ADAMTS12: variants seen among roughly 807,000 people sequenced by gnomAD.
ADAMTS12 encodes the protein A disintegrin and metalloproteinase with thrombospondin motifs 12.
ADAMTS12 carries 118 observed loss-of-function variants against 167.8 expected under a neutral mutation model. That is an observed-to-expected ratio of 0.70 (90% CI 0.61 to 0.82). The LOEUF (loss-of-function observed/expected upper bound fraction) is 0.82. Ranked by LOEUF, ADAMTS12 falls within the 40% of genes least tolerant of loss-of-function variation. ADAMTS12 has a pLI of 0.00. For missense variants in ADAMTS12, 1,916 were observed against 1,998.8 expected (o/e 0.96, Z 0.79); for synonymous variants, 704 against 716.9 (o/e 0.98, Z 0.29).
At chr5:33,809,394 CT>C (rs1027265203) in intron 2 of ADAMTS12, among the ~76,000 whole-genome samples, 3 of 152,146 alleles carry the variant, frequency 2.0e-5, no homozygotes, top group Non-Finnish European at 4.4e-5. Flanking sequence ...TGTCTTGTGG[CT>C]TCTATTATTG....
At chr5:33,695,225 C>T (rs1391116474) in intron 3 of ADAMTS12, among the ~76,000 whole-genome samples, 1 of 152,202 alleles carries the variant, frequency 6.6e-6, no homozygotes, top group East Asian at 1.9e-4. Context: ...TTAGGGAGAG[C>T]CTTGTCTTTA....
chr5:33,785,231 A>G (rs560674901), intron 2 of ADAMTS12, among the ~76,000 whole-genome samples: 1 of 152,218 alleles, frequency 6.6e-6, no homozygotes, highest in African/African-American at 2.4e-5. Flanking sequence ...GGGAGAAACT[A>G]TAGGAGAAAC....
Position 33,637,562 on chromosome 5 carries a change from A to G in ADAMTS12, c.1888+15T>C, listed in dbSNP as rs1210514485. 2.5e-6 allele frequency: 4 copies of G among 1,610,780 alleles called. No individual in the cohort carries two copies. The African/African-American group carries it at 5.3e-5, about 22-fold the overall frequency. On this transcript the variant is annotated intron_variant, in intron 12 of 23. Transcript: ENST00000504830. ...CTGTTCCCTAGATCTGAGATACACC[A>G]TTACAGCTCCTTACCTGGGTTAAAA... is the stretch of plus-strand genomic sequence containing the variant.
chr5:33,792,827 C>G (rs916661074), intron 2 of ADAMTS12, among the ~76,000 whole-genome samples: 1 of 152,238 alleles, frequency 6.6e-6, no homozygotes, highest in African/African-American at 2.4e-5. Flanking sequence ...CTCCACTCAA[C>G]CTTTGGCTGG....
intron 2 of ADAMTS12, among the ~76,000 whole-genome samples, chr5:33,849,963 G>A (rs1749160967): frequency 6.6e-6 from 1 of 152,044 alleles, no homozygotes; most frequent in Admixed American, 6.6e-5. Context: ...AGCAGAGGCA[G>A]GTGGGAGATG....
intron 2 of ADAMTS12, among the ~76,000 whole-genome samples, chr5:33,828,048 T>C (rs976107766): frequency 3.3e-5 from 5 of 152,206 alleles, no homozygotes; most frequent in Non-Finnish European, 7.3e-5. Flanking sequence ...CCAGGGCATA[T>C]ACCCAGGAAT....
At chr5:33,846,319 T>G (rs989148701) in intron 2 of ADAMTS12, among the ~76,000 whole-genome samples, 8 of 152,224 alleles carry the variant, frequency 5.3e-5, no homozygotes, top group Non-Finnish European at 1.5e-5. Context: ...TGAATTCTTC[T>G]GTCTCTAAAA....
chr5:33,664,466 TA>T (rs1479967403), intron 5 of ADAMTS12, among the ~76,000 whole-genome samples: 2 of 152,032 alleles, frequency 1.3e-5, no homozygotes, highest in African/African-American at 4.8e-5. Flanking sequence ...AGAAAACAAA[TA>T]ATCCAATTGA....
At chr5:33,713,670 T>C (rs2112322045) in intron 3 of ADAMTS12, among the ~76,000 whole-genome samples, 1 of 152,094 alleles carries the variant, frequency 6.6e-6, no homozygotes, top group African/African-American at 2.4e-5. Context: ...GAAGATAAAA[T>C]AAACTGAAAC....
intron 5 of ADAMTS12, among the ~76,000 whole-genome samples, chr5:33,671,511 C>CA (rs1410932058): frequency 6.6e-6 from 1 of 152,072 alleles, no homozygotes; most frequent in Non-Finnish European, 1.5e-5. Flanking sequence ...CAGAAAAATA[C>CA]AAAAACACCT....
chr5:33,673,164 A>G (rs1741779914), intron 5 of ADAMTS12, among the ~76,000 whole-genome samples: 1 of 152,064 alleles, frequency 6.6e-6, no homozygotes, highest in East Asian at 1.9e-4. Flanking sequence ...CTCTTTGTCC[A>G]CTTCCTGGGC....
intron 2 of ADAMTS12, among the ~76,000 whole-genome samples, chr5:33,762,132 C>A (rs558048635): frequency 2.8e-4 from 42 of 151,998 alleles, no homozygotes; most frequent in African/African-American, 9.2e-4. Flanking sequence ...ATGGAGGTTG[C>A]AGTGAGCCAA....
intron 2 of ADAMTS12, among the ~76,000 whole-genome samples, chr5:33,779,642 A>G (rs1203470827): frequency 6.6e-6 from 1 of 152,216 alleles, no homozygotes; most frequent in Non-Finnish European, 1.5e-5. Flanking sequence ...TTGGCCTTTA[A>G]AAGGAAGGAA....
At position 33,565,312 on chromosome 5, in the gene ADAMTS12, C is replaced by T. The variant is rs375877894; in HGVS notation, c.3973-4133G>A. 1.6e-4 allele frequency among the ~76,000 whole-genome samples: 25 copies of T among 152,250 alleles called. 1 individual carries two copies. The East Asian group carries it at 1.9e-3, about 12-fold the overall frequency. Reference sequence around the variant, plus strand: ...CTGGAACTACAGGCATGCGCCACCACGTCTAATTTTTATATTTTTTTTGTA... The same window carrying T: ...CTGGAACTACAGGCATGCGCCACCATGTCTAATTTTTATATTTTTTTTGTA... On this transcript the variant is annotated intron_variant, in intron 19 of 23. Transcript: ENST00000504830.
chr5:33,745,428 A>C (rs1228110738), intron 3 of ADAMTS12, among the ~76,000 whole-genome samples: 4 of 152,200 alleles, frequency 2.6e-5, no homozygotes, highest in Admixed American at 2.0e-4. Context: ...CAAAAGAACC[A>C]TCTATCAGGT....
At chr5:33,747,142 T>C (rs1260717479) in intron 3 of ADAMTS12, among the ~76,000 whole-genome samples, 2 of 152,148 alleles carry the variant, frequency 1.3e-5, no homozygotes, top group Non-Finnish European at 2.9e-5. Context: ...ACATTAGGAC[T>C]CATAGGGTTA....
At chr5:33,815,276 C>T (rs1747605860) in intron 2 of ADAMTS12, among the ~76,000 whole-genome samples, 1 of 152,126 alleles carries the variant, frequency 6.6e-6, no homozygotes, top group African/African-American at 2.4e-5. Context: ...AGATTGAAGC[C>T]CCAATCCCAG....
At chr5:33,589,766 A>T (rs988128151) in intron 17 of ADAMTS12, among the ~76,000 whole-genome samples, 2 of 152,218 alleles carry the variant, frequency 1.3e-5, no homozygotes, top group African/African-American at 2.4e-5. Context: ...CACTGGGGGA[A>T]GTCCTTCATT....
chr5:33,824,917 G>A (rs917866461), intron 2 of ADAMTS12, among the ~76,000 whole-genome samples: 1 of 152,124 alleles, frequency 6.6e-6, no homozygotes, highest in Non-Finnish European at 1.5e-5. Context: ...CTCTAACACT[G>A]CAAAAGCCAC....
Sources: allele counts gnomAD v4.1 joint callset (sites outside exome capture counted in the v4.1 genomes callset), GRCh38; gene constraint gnomAD v4.1.1; transcripts MANE v1.5; gene names NCBI Gene and HGNC (gene_info 2026-07-23, HGNC 2026-07-21).